Variants in LTN1 observed in about 807,000 individuals in gnomAD.
The protein encoded by LTN1 is E3 ubiquitin-protein ligase listerin.
A neutral mutation model predicts 201.2 loss-of-function variants in LTN1; 88 were observed. The observed-to-expected ratio is 0.44, with a 90% CI of 0.37 to 0.52. The LOEUF (loss-of-function observed/expected upper bound fraction) is 0.52. Ranked by LOEUF, LTN1 falls within the 20% of genes least tolerant of loss-of-function variation. The probability of loss-of-function intolerance (pLI) is 0.00; values close to 1 mark genes in which losing one functional copy is unlikely to be tolerated. For missense variants in LTN1, 1,752 were observed against 2,038.7 expected (o/e 0.86, Z 2.71); for synonymous variants, 645 against 713.5 (o/e 0.90, Z 1.53).
intron 5 of LTN1, among the ~76,000 whole-genome samples, 169 bp downstream of exon 5, chr21:28,982,147 C>G (rs1014981875): frequency 8.6e-5 from 13 of 152,022 alleles, no homozygotes; most frequent in Non-Finnish European, 1.9e-4. Flanking sequence ...AACCCAGAAG[C>G]TGGAGGTTGC....
chr21:28,950,186 A>G (rs2084371391), intron 18 of LTN1, among the ~76,000 whole-genome samples: 1 of 152,138 alleles, frequency 6.6e-6, no homozygotes, highest in Non-Finnish European at 1.5e-5. Context: ...CATTTTTACA[A>G]TTTATCTTCC....
chr21:28,969,647 C>G, intron 8 of LTN1, 46 bp from the exon 9 acceptor site: 1 of 1,444,522 alleles, frequency 6.9e-7, no homozygotes, highest in South Asian at 1.4e-5. Flanking sequence ...GAAGAAGAAA[C>G]AAGAACTCAG....
intron 8 of LTN1, among the ~76,000 whole-genome samples, chr21:28,970,339 G>A (rs1483287302): frequency 6.6e-6 from 1 of 152,140 alleles, no homozygotes; most frequent in Non-Finnish European, 1.5e-5. Context: ...TTCCAACAAG[G>A]AGCTTTACCT....
In LTN1 at chr21:28,929,023, A is replaced by G. The variant is rs546711531; in HGVS notation, c.*1425T>C. On this transcript the variant is annotated 3_prime_UTR_variant, in exon 30 of 30. Coordinates refer to ENST00000361371, the MANE Select transcript of LTN1 (RefSeq NM_015565.3). ...TGACCCTCAGAGGCTCAAGGCTAGA[A>G]GACAATAAATATTTTACAGTAAAAT... The G allele has an allele frequency of 2.6e-5, 4 of 152,706 alleles. No homozygotes were observed. In the East Asian group the frequency reaches 5.8e-4, roughly 22 times the overall value. The allele number at this position is 152,706 out of a possible 1,614,324, so 9.5% of individuals were successfully genotyped here. A position where few individuals can be genotyped will look rare whatever the true frequency, so the allele number is the denominator to read the frequency against.
chr21:28,982,520 G>T lies in LTN1; in HGVS notation c.577-152C>A, dbSNP rs551824374. ...ATCAAATAGCAAAACTGAAAGGTTT[G>T]AATTTTACCAATTTTCCTTTTCCTA... is the stretch of plus-strand genomic sequence containing the variant. On this transcript the variant is annotated intron_variant, in intron 4 of 29. Coordinates refer to ENST00000361371, the MANE Select transcript of LTN1 (RefSeq NM_015565.3). The T allele has an allele frequency of 3.0e-3, 1,885 of 619,566 alleles. 8 individuals carry two copies. The highest frequency in any genetic ancestry group is 4.5e-3 in the Non-Finnish European group (1,578 of 349,284). 38.4% of individuals were successfully genotyped at this position (619,566 alleles called of 1,614,324 possible).
Position 28,928,208 on chromosome 21 carries a change from G to GT in LTN1, c.*2239dup, listed in dbSNP as rs2084183708. On this transcript the variant is annotated 3_prime_UTR_variant, in exon 30 of 30. Coordinates refer to ENST00000361371, the MANE Select transcript of LTN1 (RefSeq NM_015565.3). ...AGAAGCAAATATGGCAAAATAGTAT[G>GT]TGAAGGGTACAAGGGCATTTATATT... 6.6e-6 allele frequency: 1 copy of GT among 152,484 alleles called. No individual in the cohort carries two copies. Among genetic ancestry groups the GT allele is most frequent in the African/African-American group, 2.4e-5 (1 of 41,404 alleles). 9.4% of individuals were successfully genotyped at this position (152,484 alleles called of 1,614,324 possible).
chr21:28,932,643 G>A lies in LTN1; in HGVS notation c.4897C>T (p.Arg1633Ter), dbSNP rs768520074. The A allele has an allele frequency of 6.8e-6, 11 of 1,611,148 alleles. No homozygotes were observed. The highest frequency in any genetic ancestry group is 9.3e-6 in the Non-Finnish European group (11 of 1,178,860). Residue 1633 changes from arginine to a stop codon, truncating the protein, a stop_gained, in exon 28 of 30, where the codon CGA (arginine) becomes TGA (stop). Coordinates refer to ENST00000361371, the MANE Select transcript of LTN1 (RefSeq NM_015565.3). LOFTEE classifies it high-confidence loss of function. Reference sequence around the variant, plus strand: ...ATAGTATAAGTAGCCATTACCTCTCGAGTAGTAGCTCGAGCTTTAACCTGC... The same window carrying A: ...ATAGTATAAGTAGCCATTACCTCTCAAGTAGTAGCTCGAGCTTTAACCTGC... ...GMTVKARATT[R>*]EVMATYTIED...
rs914402027 is a variant in LTN1, at chr21:28,944,594, T to A, written c.3771A>T (p.Thr1257=). The A allele has an allele frequency of 8.1e-6, 13 of 1,609,642 alleles. No homozygotes were observed. The highest frequency in any genetic ancestry group is 1.1e-5 in the Non-Finnish European group (13 of 1,176,920). Residue 1257 remains threonine, a splice_region_variant and synonymous_variant, in exon 22 of 30, where the codon ACA becomes ACT. Transcript: ENST00000361371. Reference sequence around the variant, plus strand: ...AATACAATGCCTGATTCTCACTTGTTGTCTGAAAAAACAATAAAAATGAAA... The same window carrying A: ...AATACAATGCCTGATTCTCACTTGTAGTCTGAAAAAACAATAAAAATGAAA... ...IMCSMLAWLE[T]TSENQALYSI... is the part of the protein sequence containing the mutation.
chr21:28,960,044 A>G (rs370397105), intron 12 of LTN1, among the ~76,000 whole-genome samples: 10 of 152,124 alleles, frequency 6.6e-5, no homozygotes, highest in Non-Finnish European at 4.4e-5. Context: ...ATGAAGATTA[A>G]TAAACAATTA....
chr21:28,943,324 T>C lies in LTN1; in HGVS notation c.4233A>G (p.Glu1411=). 3.2e-6 allele frequency: 5 copies of C among 1,586,596 alleles called. No homozygotes were observed. Among genetic ancestry groups the C allele is most frequent in the African/African-American group, 1.3e-5 (1 of 74,358 alleles). Residue 1411 remains glutamate (E), a synonymous_variant, in exon 24 of 30, where the codon GAA becomes GAG. Transcript: ENST00000361371. ...VYHMLYKLMP[E]LPQYDQDNLK... ...GATTATCCTGATCATACTGTGGTAA[T>C]TCAGGCATCAATCTAGAAATTAGAA...
chr21:28,964,560 T>C (rs2084505569), intron 11 of LTN1: 1 of 1,504,534 alleles, frequency 6.6e-7, no homozygotes. Context: ...ATTGCTGTGG[T>C]GTGGAACTGA....
chr21:28,980,040 C>G (rs1239227144), intron 6 of LTN1, among the ~76,000 whole-genome samples: 16 of 152,136 alleles, frequency 1.1e-4, no homozygotes, highest in Admixed American at 1.0e-3. Context: ...GGCAAAAAAT[C>G]TGAGTCACCC....
rs1189892550 is a variant in LTN1, at chr21:28,982,287, A to G, written c.629+29T>C. The G allele has an allele frequency of 3.2e-6, 5 of 1,575,150 alleles. No homozygotes were observed. The African/African-American group carries it at 5.4e-5, about 17-fold the overall frequency. ...CTTATGAGTGAAACAAATCCTTAAC[A>G]TGAGTTACAATGAAACAATACAACT... On this transcript the variant is annotated intron_variant, in intron 5 of 29. Coordinates refer to ENST00000361371, the MANE Select transcript of LTN1 (RefSeq NM_015565.3).
chr21:28,941,193 A>G (rs1406399051), intron 25 of LTN1, 27 bp downstream of exon 25: 1 of 1,555,708 alleles, frequency 6.4e-7, no homozygotes, highest in Non-Finnish European at 8.8e-7. Flanking sequence ...GGACAGAACT[A>G]TCGAAAGTTG....
chr21:28,966,398 C>A lies in LTN1; in HGVS notation c.2093G>T (p.Arg698Ile), dbSNP rs555391239. The change falls in exon 10 of 30, where the codon AGA becomes ATA. Residue 698 changes from arginine (R) to isoleucine (I), a missense_variant. By Grantham distance (97) the Arg-to-Ile change is moderately conservative (BLOSUM62 -3). This residue lies in a region of LTN1 where 1,211 missense variants were observed against 1,312.8 expected (regional missense o/e 0.92). Coordinates refer to ENST00000361371, the MANE Select transcript of LTN1 (RefSeq NM_015565.3). ...ALRCCDNDME[R>I]KKVLDDLTKV... ...GGTTAGATCATCCAAGACTTTTTTTCTTTCCATATCATTGTCACAGCACCG... is the reference window on the plus strand; with the variant it reads ...GGTTAGATCATCCAAGACTTTTTTTATTTCCATATCATTGTCACAGCACCG... 2.4e-5 allele frequency: 39 copies of A among 1,601,508 alleles called. 1 individual carries two copies. The East Asian group carries it at 8.3e-4, about 34-fold the overall frequency.
chr21:28,964,758 G>C lies in LTN1; in HGVS notation c.2163+1107C>G. 3 of 1,549,414 alleles carry C rather than the reference G, an allele frequency of 1.9e-6. No individual in the cohort carries two copies. The East Asian group carries it at 7.3e-5, about 38-fold the overall frequency. On this transcript the variant is annotated intron_variant, in intron 11 of 29. Coordinates refer to ENST00000361371, the MANE Select transcript of LTN1 (RefSeq NM_015565.3). ...ATGTGAGTATTTGCACTTCACGGCA[G>C]GTACATTCCTAAGTTGGAAATGGAT...
At chr21:28,953,184 T>A in intron 17 of LTN1, 33 bp downstream of exon 17, 1 of 1,504,962 alleles carries the variant, frequency 6.6e-7, no homozygotes. Flanking sequence ...AGTAGCATAG[T>A]CATTTTAAAA....
chr21:28,954,111 A>G (rs1365931450), intron 16 of LTN1, among the ~76,000 whole-genome samples: 1 of 152,242 alleles, frequency 6.6e-6, no homozygotes, highest in Non-Finnish European at 1.5e-5. Context: ...GCTCGATAAA[A>G]TTAAAGAAAT....
chr21:28,988,103 T>C (rs984328613), intron 1 of LTN1, among the ~76,000 whole-genome samples: 5 of 143,598 alleles, frequency 3.5e-5, no homozygotes, highest in African/African-American at 7.9e-5. Context: ...GATTGTGCCA[T>C]TGCACTCCAG....
Sources: gnomAD v4.1 joint callset for allele counts (sites outside exome capture counted in the v4.1 genomes callset) on GRCh38, gnomAD v4.1.1 for gene constraint, gnomAD v4.1.1 regional missense constraint, MANE v1.5 for transcripts, NCBI Gene and HGNC (gene_info 2026-07-23, HGNC 2026-07-21) for gene names.